Variants in SGCD observed in about 807,000 individuals in gnomAD.
SGCD encodes the protein sarcoglycan delta, also known as delta-sarcoglycan.
SGCD carries 18 observed loss-of-function variants against 36.6 expected under a neutral mutation model. The ratio of observed to expected loss-of-function variants is 0.49; its 90% CI spans 0.34 to 0.73. The LOEUF is 0.73. SGCD is among the 30% of genes least tolerant of loss of function. The pLI is 0.01. For synonymous variants in SGCD, 133 were observed against 130.6 expected, an observed-to-expected ratio of 1.02 and a Z score of -0.12; for missense variants, 387 against 346.7, an observed-to-expected ratio of 1.12 and a Z score of -0.92.
At chr5:156,415,971 T>C (rs1027471419) in intron 3 of SGCD, among the ~76,000 whole-genome samples, 3 of 152,198 alleles carry the variant, frequency 2.0e-5, no homozygotes, top group African/African-American at 7.2e-5. Flanking sequence ...GTTCATCAAA[T>C]TGCTGAAACA....
chr5:155,799,384 G>C, the SGCD span, among the ~76,000 whole-genome samples: 4 of 151,164 alleles, frequency 2.6e-5, no homozygotes, highest in Non-Finnish European at 5.9e-5. Flanking sequence ...TCCCACAAAG[G>C]ACAATGACTT....
chr5:156,743,678 C>G (rs1367355769), intron 7 of SGCD, among the ~76,000 whole-genome samples: 1 of 152,194 alleles, frequency 6.6e-6, no homozygotes, highest in African/African-American at 2.4e-5. Flanking sequence ...GGACATATCA[C>G]TGCTTTCTGA....
intron 1 of SGCD, among the ~76,000 whole-genome samples, chr5:155,991,592 G>A (rs1300762023): frequency 6.6e-6 from 1 of 152,200 alleles, no homozygotes; most frequent in Non-Finnish European, 1.5e-5. Context: ...TGGAGACAAG[G>A]AGCAATGTCT....
At chr5:156,587,661 C>T (rs1051905167) in intron 4 of SGCD, among the ~76,000 whole-genome samples, 1 of 152,140 alleles carries the variant, frequency 6.6e-6, no homozygotes, top group African/African-American at 2.4e-5. Flanking sequence ...AGACATTAGA[C>T]AGCCCACAAT....
the SGCD span, among the ~76,000 whole-genome samples, chr5:155,841,541 CTG>C: frequency 1.9e-4 from 29 of 152,128 alleles, no homozygotes; most frequent in African/African-American, 6.8e-4. Context: ...TGTGAATACT[CTG>C]TTTAAAACTC....
At chr5:156,031,458 C>T (rs532361679) in intron 1 of SGCD, among the ~76,000 whole-genome samples, 4 of 152,134 alleles carry the variant, frequency 2.6e-5, no homozygotes, top group East Asian at 3.9e-4. Context: ...GGCATCTCAT[C>T]GAATGTAAAG....
At chr5:156,156,599 G>A (rs370310773) in intron 3 of SGCD, among the ~76,000 whole-genome samples, 1 of 151,544 alleles carries the variant, frequency 6.6e-6, no homozygotes, top group East Asian at 1.9e-4. Context: ...ACTCCAGACT[G>A]GGTGACAGAG....
chr5:156,722,945 A>G (rs931190589), intron 7 of SGCD, among the ~76,000 whole-genome samples: 1 of 152,214 alleles, frequency 6.6e-6, no homozygotes, highest in Non-Finnish European at 1.5e-5. Context: ...CACTTTCTGA[A>G]TCACAAATAT....
chr5:155,887,829 G>A (rs1381397176), intron 1 of SGCD, among the ~76,000 whole-genome samples: 2 of 152,054 alleles, frequency 1.3e-5, no homozygotes, highest in African/African-American at 2.4e-5. Context: ...TAATAACAAC[G>A]ATAGTAAAAA....
intron 2 of SGCD, chr5:156,118,010 T>G (rs1761944278): frequency 6.6e-6 from 1 of 152,160 alleles, no homozygotes; most frequent in Non-Finnish European, 1.5e-5. Context: ...AAAATTGTGT[T>G]GGGTATCTAG....
At chr5:156,396,391 T>A (rs147699259) in intron 3 of SGCD, among the ~76,000 whole-genome samples, 2 of 152,326 alleles carry the variant, frequency 1.3e-5, no homozygotes, top group Non-Finnish European at 2.9e-5. Flanking sequence ...GGGTTGCCTC[T>A]CATTAGCAGC....
the SGCD span, among the ~76,000 whole-genome samples, chr5:155,864,659 G>A: frequency 1.3e-5 from 2 of 152,132 alleles, no homozygotes; most frequent in South Asian, 2.1e-4. Context: ...TATTAATTAA[G>A]CACCTACTAA....
intron 3 of SGCD, among the ~76,000 whole-genome samples, chr5:156,459,651 G>A (rs1195787525): frequency 6.6e-6 from 1 of 152,138 alleles, no homozygotes; most frequent in African/African-American, 2.4e-5. Context: ...ATTTAAAGAA[G>A]AGTATCTAAT....
intron 3 of SGCD, among the ~76,000 whole-genome samples, chr5:156,354,961 T>C (rs974134163): frequency 6.6e-6 from 1 of 152,232 alleles, no homozygotes; most frequent in Non-Finnish European, 1.5e-5. Flanking sequence ...AGGTTCAGAG[T>C]TGTTTGTAAA....
intron 3 of SGCD, among the ~76,000 whole-genome samples, chr5:156,174,966 T>A (rs537064105): frequency 5.7e-4 from 86 of 151,974 alleles, no homozygotes; most frequent in African/African-American, 1.9e-3. Flanking sequence ...AATAGGATTT[T>A]AAAAAAAAGA....
chr5:156,154,806 C>G (rs1309291009), intron 3 of SGCD, among the ~76,000 whole-genome samples: 1 of 151,546 alleles, frequency 6.6e-6, no homozygotes, highest in Non-Finnish European at 1.5e-5. Context: ...GTATTTTTTT[C>G]ACCCAGTCAT....
At chr5:155,734,117 ATAT>A in the SGCD span, among the ~76,000 whole-genome samples, 1 of 146,948 alleles carries the variant, frequency 6.8e-6, no homozygotes, top group Non-Finnish European at 1.5e-5. Flanking sequence ...ATATTAATTA[ATAT>A]TGTTACTGAT....
chr5:156,622,188 T>C (rs1762276709), intron 6 of SGCD, among the ~76,000 whole-genome samples: 1 of 152,070 alleles, frequency 6.6e-6, no homozygotes, highest in African/African-American at 2.4e-5. Context: ...ATCCCAACGC[T>C]TGGAGAGACC....
intron 2 of SGCD, among the ~76,000 whole-genome samples, chr5:156,333,913 C>T (rs1036687496): frequency 7.1e-6 from 1 of 140,980 alleles, no homozygotes; most frequent in African/African-American, 2.6e-5. Context: ...AGACAGAAAC[C>T]TAGAATTTAT....
Sources: allele counts gnomAD v4.1 joint callset (sites outside exome capture counted in the v4.1 genomes callset), GRCh38; gene constraint gnomAD v4.1.1; transcripts MANE v1.5; gene names NCBI Gene and HGNC (gene_info 2026-07-23, HGNC 2026-07-21).